Variants in CNOT4 observed in about 807,000 individuals in gnomAD.
CNOT4 encodes CCR4-NOT transcription complex subunit 4, also known as CCR4-associated factor 4.
Under a neutral mutation model 73.8 loss-of-function variants are expected in CNOT4, and 8 were observed. The ratio of observed to expected loss-of-function variants is 0.11; its 90% CI spans 0.06 to 0.20. CNOT4 has a LOEUF of 0.20. CNOT4 is among the 10% of genes least tolerant of loss of function. The probability of loss-of-function intolerance (pLI) is 1.00; values close to 1 mark genes in which losing one functional copy is unlikely to be tolerated. For missense variants in CNOT4, 564 were observed against 883.4 expected, an observed-to-expected ratio of 0.64 and a Z score of 4.58; for synonymous variants, 293 against 321.1, an observed-to-expected ratio of 0.91 and a Z score of 0.94.
At chr7:135,444,379 T>C (rs1002958312) in intron 1 of CNOT4, 4 of 693,408 alleles carry the variant, frequency 5.8e-6, no homozygotes, top group East Asian at 2.7e-5. Context: ...TGTCCATCAA[T>C]GGAGGCATAC....
intron 1 of CNOT4, chr7:135,444,856 C>T: frequency 6.2e-7 from 1 of 1,603,044 alleles, no homozygotes; most frequent in Non-Finnish European, 8.5e-7. Context: ...TCAGCTTTAA[C>T]CTTTGCTGGG....
chr7:135,414,097 G>T (rs79650164), intron 5 of CNOT4, among the ~76,000 whole-genome samples: 11,964 of 151,854 alleles, frequency 0.079, 645 homozygotes, highest in Non-Finnish European at 0.12. Context: ...GTAAAAATGC[G>T]ATATTTTAAA....
chr7:135,390,986 G>C (rs559365427), intron 10 of CNOT4, among the ~76,000 whole-genome samples: 1 of 152,180 alleles, frequency 6.6e-6, no homozygotes, highest in South Asian at 2.1e-4. Context: ...CCTGTGTAAG[G>C]TATCATGATA....
At chr7:135,487,662 T>C (rs1318966984) in intron 1 of CNOT4, among the ~76,000 whole-genome samples, 2 of 152,326 alleles carry the variant, frequency 1.3e-5, no homozygotes, top group African/African-American at 2.4e-5. Context: ...TGTTAGTACA[T>C]TGATAGTAGC....
At chr7:135,430,809 T>C (rs1798782442) in intron 2 of CNOT4, among the ~76,000 whole-genome samples, 1 of 152,172 alleles carries the variant, frequency 6.6e-6, no homozygotes, top group South Asian at 2.1e-4. Context: ...CTTGACCTGA[T>C]AAAGACCAGA....
At chr7:135,455,259 G>A (rs947164112) in intron 1 of CNOT4, among the ~76,000 whole-genome samples, 41 of 149,438 alleles carry the variant, frequency 2.7e-4, no homozygotes, top group African/African-American at 9.6e-4. Flanking sequence ...CGGGAAGAGA[G>A]CAAAATCCTG....
chr7:135,411,094 C>G (rs1797566145), intron 6 of CNOT4, among the ~76,000 whole-genome samples: 1 of 151,974 alleles, frequency 6.6e-6, no homozygotes, highest in Non-Finnish European at 1.5e-5. Context: ...TGGAGATTAG[C>G]ACTTGAAGTA....
rs751807753 is a variant in CNOT4 at position 135,362,771 on chromosome 7, G to C, written c.*114C>G. ...GGTTAGGGAGAAAAAAAATTGATCA[G>C]GTACTGGATTCTTCAGAACATAAGA... On this transcript the variant is annotated 3_prime_UTR_variant, in exon 12 of 12. Coordinates refer to ENST00000541284, the MANE Select transcript of CNOT4 (RefSeq NM_001190850.2). 6 of 980,936 alleles carry C rather than the reference G, an allele frequency of 6.1e-6. No individual in the cohort carries two copies. The Admixed American group carries it at 8.4e-5, about 14-fold the overall frequency. 60.8% of individuals were successfully genotyped at this position (980,936 alleles called of 1,614,324 possible). A position where few individuals can be genotyped will look rare whatever the true frequency, so the allele number is the denominator to read the frequency against.
chr7:135,461,380 T>C lies in CNOT4; in HGVS notation c.-92-22957A>G, dbSNP rs186259875. On this transcript the variant is annotated intron_variant, in intron 1 of 11. Coordinates refer to ENST00000541284, the MANE Select transcript of CNOT4 (RefSeq NM_001190850.2). ...TAACTTATCAACTACTTTTATCAAA[T>C]ATTCAGAAGATACTCCCTGAAAGGC... is the stretch of plus-strand genomic sequence containing the variant. Among the ~76,000 whole-genome samples the C allele has an allele frequency of 5.2e-4, 79 of 152,224 alleles. No individual in the cohort carries two copies. The East Asian group carries it at 0.01, about 19-fold the overall frequency.
chr7:135,464,948 G>T (rs1489030060), intron 1 of CNOT4, among the ~76,000 whole-genome samples: 2 of 151,996 alleles, frequency 1.3e-5, no homozygotes, highest in Non-Finnish European at 2.9e-5. Flanking sequence ...AAGAAACACA[G>T]ATTAAAGCTA....
Position 135,447,001 on chromosome 7 carries a change from G to A in CNOT4, c.-92-8578C>T, listed in dbSNP as rs1020269568. Among the ~76,000 whole-genome samples, 11 of 111,640 alleles carry A rather than the reference G, an allele frequency of 9.9e-5. 3 individuals are homozygous for A. The South Asian group carries it at 2.6e-3, about 26-fold the overall frequency. 73.2% of individuals were successfully genotyped at this position (111,640 alleles called of 152,430 possible). ...CCACTAGAATGGAAACTTCAGGAGG[G>A]CAGAAATGACCCGGTGCATCACATT... On this transcript the variant is annotated intron_variant, in intron 1 of 11. Coordinates refer to ENST00000541284, the MANE Select transcript of CNOT4 (RefSeq NM_001190850.2).
intron 1 of CNOT4, among the ~76,000 whole-genome samples, chr7:135,450,907 A>G (rs1800118576): frequency 6.6e-6 from 1 of 152,120 alleles, no homozygotes; most frequent in African/African-American, 2.4e-5. Context: ...CAGTGAGCCG[A>G]GATCACGCCA....
intron 1 of CNOT4, among the ~76,000 whole-genome samples, chr7:135,492,125 G>T (rs1319075392): frequency 6.6e-6 from 1 of 152,108 alleles, no homozygotes; most frequent in Non-Finnish European, 1.5e-5. Flanking sequence ...AGTGTTGGAA[G>T]TTTGAAGAGA....
chr7:135,441,894 T>C (rs1799499637), intron 1 of CNOT4, among the ~76,000 whole-genome samples: 1 of 152,144 alleles, frequency 6.6e-6, no homozygotes, highest in African/African-American at 2.4e-5. Context: ...TTTAGATAGT[T>C]AATACAAAAG....
rs1238033254 is a variant in CNOT4 at position 135,366,658 on chromosome 7, G to A, written c.1628-2592C>T. Among the ~76,000 whole-genome samples, 4 of 152,188 alleles carry A rather than the reference G, an allele frequency of 2.6e-5. No individual in the cohort carries two copies. In the East Asian group the frequency reaches 7.7e-4, roughly 29 times the overall value. ...GCCTTGACATTTTGGGAGCCTGACA[G>A]CATGGATGTGGCTTACAGTAAAGCT... On this transcript the variant is annotated intron_variant, in intron 10 of 11. Coordinates refer to ENST00000541284, the MANE Select transcript of CNOT4 (RefSeq NM_001190850.2).
At chr7:135,496,211 G>A (rs2129487951) in intron 1 of CNOT4, among the ~76,000 whole-genome samples, 1 of 152,230 alleles carries the variant, frequency 6.6e-6, no homozygotes, top group East Asian at 1.9e-4. Context: ...TTATGCCTCA[G>A]CCTCCCAAGT....
intron 3 of CNOT4, among the ~76,000 whole-genome samples, chr7:135,418,974 T>C (rs149286792): frequency 6.6e-5 from 10 of 152,286 alleles, no homozygotes; most frequent in African/African-American, 2.2e-4. Context: ...TGCTAACTAC[T>C]TCCCCCCTAC....
At chr7:135,472,748 T>C (rs894564768) in intron 1 of CNOT4, among the ~76,000 whole-genome samples, 4 of 151,534 alleles carry the variant, frequency 2.6e-5, no homozygotes, top group Non-Finnish European at 5.9e-5. Context: ...TTTTAAAAGA[T>C]GCAAATAAAG....
chr7:135,433,400 A>C (rs1249190014), intron 2 of CNOT4, among the ~76,000 whole-genome samples: 2 of 129,898 alleles, frequency 1.5e-5, no homozygotes, highest in Non-Finnish European at 3.1e-5. Context: ...TCTATCACCC[A>C]GGCTGGAGTG....
Sources: allele counts gnomAD v4.1 joint callset (sites outside exome capture counted in the v4.1 genomes callset), GRCh38; gene constraint gnomAD v4.1.1; transcripts MANE v1.5; gene names NCBI Gene and HGNC (gene_info 2026-07-23, HGNC 2026-07-21).